Variants in HAPLN1 observed in about 807,000 individuals in gnomAD.
HAPLN1 encodes the protein hyaluronan and proteoglycan link protein 1.
Under a neutral mutation model 36.5 loss-of-function variants are expected in HAPLN1, and 13 were observed. The observed-to-expected ratio is 0.36, with a 90% CI of 0.23 to 0.57. The LOEUF (loss-of-function observed/expected upper bound fraction) is 0.57, where lower values mean the gene tolerates loss of function less well. HAPLN1 is among the 20% of genes least tolerant of loss of function. HAPLN1 has a pLI of 0.83. For synonymous variants in HAPLN1, 202 were observed against 169.8 expected (o/e 1.19, Z -1.48); for missense variants, 407 against 439.7 (o/e 0.93, Z 0.66).
chr5:83,663,762 T>A (rs1488318214), intron 2 of HAPLN1, among the ~76,000 whole-genome samples: 1 of 151,152 alleles, frequency 6.6e-6, no homozygotes, highest in African/African-American at 2.4e-5. Flanking sequence ...AATTCCTACA[T>A]CCAATCTATC....
chr5:83,678,923 A>G (rs1055746522), intron 1 of HAPLN1, among the ~76,000 whole-genome samples: 29 of 152,272 alleles, frequency 1.9e-4, no homozygotes, highest in African/African-American at 6.7e-4. Flanking sequence ...TCTAAGAACA[A>G]TATTTGTTAT....
intron 1 of HAPLN1, among the ~76,000 whole-genome samples, chr5:83,686,644 C>A (rs2112614854): frequency 6.6e-6 from 1 of 152,192 alleles, no homozygotes; most frequent in African/African-American, 2.4e-5. Flanking sequence ...ACATCAAATT[C>A]AACACAAACA....
intron 3 of HAPLN1, among the ~76,000 whole-genome samples, chr5:83,648,464 A>G (rs929401672): frequency 2.1e-5 from 3 of 143,486 alleles, no homozygotes; most frequent in African/African-American, 7.7e-5. Context: ...CAGAATAAAT[A>G]TATGTAGTTT....
At chr5:83,717,607 G>A (rs538241204) in intron 1 of HAPLN1, among the ~76,000 whole-genome samples, 5 of 152,296 alleles carry the variant, frequency 3.3e-5, no homozygotes, top group Admixed American at 6.5e-5. Flanking sequence ...GTGATAATTC[G>A]TATATCTTTT....
chr5:83,673,952 G>A (rs1303208874), intron 1 of HAPLN1, among the ~76,000 whole-genome samples: 1 of 152,184 alleles, frequency 6.6e-6, no homozygotes, highest in Non-Finnish European at 1.5e-5. Context: ...GTATCACTTG[G>A]TCTAATTAGA....
At chr5:83,717,409 A>G (rs1193353755) in intron 1 of HAPLN1, among the ~76,000 whole-genome samples, 1 of 152,214 alleles carries the variant, frequency 6.6e-6, no homozygotes, top group Admixed American at 6.5e-5. Context: ...GGAAACTTCC[A>G]TTCCACAACA....
At chr5:83,683,251 C>G (rs1751047386) in intron 1 of HAPLN1, among the ~76,000 whole-genome samples, 1 of 152,152 alleles carries the variant, frequency 6.6e-6, no homozygotes, top group African/African-American at 2.4e-5. Flanking sequence ...CCCTTTCAAC[C>G]TGGTCTCCAA....
At chr5:83,672,075 T>G (rs1750741587) in intron 2 of HAPLN1, among the ~76,000 whole-genome samples, 1 of 152,194 alleles carries the variant, frequency 6.6e-6, no homozygotes, top group African/African-American at 2.4e-5. Flanking sequence ...ATACTCTGAG[T>G]GCAATTTTCA....
chr5:83,664,048 C>T (rs1229673036), intron 2 of HAPLN1, among the ~76,000 whole-genome samples: 1 of 152,108 alleles, frequency 6.6e-6, no homozygotes, highest in Non-Finnish European at 1.5e-5. Flanking sequence ...AAAGTCTGAA[C>T]TCTGAACTCT....
At chr5:83,676,969 A>T (rs549327609) in intron 1 of HAPLN1, among the ~76,000 whole-genome samples, 1 of 152,302 alleles carries the variant, frequency 6.6e-6, no homozygotes, top group South Asian at 2.1e-4. Flanking sequence ...GAAGCAATAT[A>T]CCTTATCCAA....
chr5:83,648,543 A>G (rs1749952573), intron 3 of HAPLN1, among the ~76,000 whole-genome samples: 1 of 150,668 alleles, frequency 6.6e-6, no homozygotes, highest in Admixed American at 6.6e-5. Context: ...TATATAATTT[A>G]GGCTACATGA....
intron 2 of HAPLN1, among the ~76,000 whole-genome samples, chr5:83,667,852 T>C (rs1750597302): frequency 6.6e-6 from 1 of 152,218 alleles, no homozygotes; most frequent in African/African-American, 2.4e-5. Context: ...GATGCATACA[T>C]GCATGAGGAA....
At chr5:83,654,408 T>C (rs1310080082) in intron 2 of HAPLN1, among the ~76,000 whole-genome samples, 1 of 152,218 alleles carries the variant, frequency 6.6e-6, no homozygotes, top group Non-Finnish European at 1.5e-5. Context: ...TCTCAAGATA[T>C]AAAACATAAC....
intron 1 of HAPLN1, among the ~76,000 whole-genome samples, chr5:83,679,970 A>G (rs1750960398): frequency 6.6e-6 from 1 of 152,228 alleles, no homozygotes; most frequent in Non-Finnish European, 1.5e-5. Flanking sequence ...TGTCCTCATC[A>G]GCAGATAAAT....
At chr5:83,696,120 C>A (rs1386177710) in intron 1 of HAPLN1, among the ~76,000 whole-genome samples, 9 of 152,028 alleles carry the variant, frequency 5.9e-5, no homozygotes, top group Admixed American at 5.9e-4. Flanking sequence ...TATTTTTATA[C>A]ACTGGCAATG....
Position 83,638,115 on chromosome 5 carries a change from C to T in HAPLN1, c.*3381G>A, listed in dbSNP as rs1390299313. The T allele has an allele frequency of 1.3e-5, 2 of 151,472 alleles. No homozygotes were observed. The highest frequency in any genetic ancestry group is 4.8e-5 in the African/African-American group (2 of 41,240). The allele number at this position is 151,472 out of a possible 1,614,324, so 9.4% of individuals were successfully genotyped here. A position where few individuals can be genotyped will look rare whatever the true frequency, so the allele number is the denominator to read the frequency against. On this transcript the variant is annotated 3_prime_UTR_variant, in exon 5 of 5. Coordinates refer to ENST00000274341, the MANE Select transcript of HAPLN1 (RefSeq NM_001884.4). ...ATCAGAACAAGAATGAATTAAATGC[C>T]TTTCTTGGAAATAATGTATTGACAG...
intron 1 of HAPLN1, among the ~76,000 whole-genome samples, chr5:83,692,736 T>C (rs1287426187): frequency 6.6e-6 from 1 of 151,916 alleles, no homozygotes; most frequent in Non-Finnish European, 1.5e-5. Flanking sequence ...TCTCATTATG[T>C]AAATGTTTTT....
At chr5:83,687,155 A>G (rs1282080823) in intron 1 of HAPLN1, among the ~76,000 whole-genome samples, 4 of 152,334 alleles carry the variant, frequency 2.6e-5, no homozygotes, top group Admixed American at 6.5e-5. Flanking sequence ...AGGAAAAGAA[A>G]ATGATTCATT....
intron 1 of HAPLN1, among the ~76,000 whole-genome samples, chr5:83,699,525 G>T (rs1226569335): frequency 6.6e-6 from 1 of 152,106 alleles, no homozygotes; most frequent in African/African-American, 2.4e-5. Context: ...ATTATGTTAA[G>T]ATCTAAACTC....
Sources: gnomAD v4.1 joint callset for allele counts (sites outside exome capture counted in the v4.1 genomes callset) on GRCh38, gnomAD v4.1.1 for gene constraint, MANE v1.5 for transcripts, NCBI Gene and HGNC (gene_info 2026-07-23, HGNC 2026-07-21) for gene names.